Variants in MYO16 observed in about 807,000 individuals in gnomAD.
The protein encoded by MYO16 is unconventional myosin-XVI.
In MYO16, 94 loss-of-function variants were observed where a neutral mutation model predicts 205.3. The ratio of observed to expected loss-of-function variants is 0.46; its 90% CI spans 0.39 to 0.54. MYO16 has a LOEUF of 0.54. Ranked by LOEUF, MYO16 falls within the 20% of genes least tolerant of loss-of-function variation. MYO16 has a pLI of 0.00. For synonymous variants in MYO16, 988 were observed against 954.0 expected (o/e 1.04, Z -0.66); for missense variants, 2,315 against 2,387.5 (o/e 0.97, Z 0.63).
chr13:109,105,851 A>G (rs939485127), intron 28 of MYO16, among the ~76,000 whole-genome samples: 3 of 152,224 alleles, frequency 2.0e-5, no homozygotes, highest in Non-Finnish European at 4.4e-5. Context: ...GCAAAGTCAT[A>G]CATGTTGCTG....
rs530468240 is a variant in MYO16 at position 108,642,525 on chromosome 13, G to C, written c.28+12653G>C. 1.9e-4 allele frequency among the ~76,000 whole-genome samples: 29 copies of C among 152,178 alleles called. No homozygotes were observed. The South Asian group carries it at 6.0e-3, about 32-fold the overall frequency. On this transcript the variant is annotated intron_variant, in intron 1 of 34. Coordinates refer to ENST00000457511, the MANE Select transcript of MYO16 (RefSeq NM_001198950.3). The stretch of plus-strand genomic sequence containing the variant: ...TGGCGTGACCTTGGTTCAAGCGATT[G>C]TCATGCCTCAGCCTCCCGAGTAGCT...
chr13:108,999,239 A>G (rs1004499944), intron 21 of MYO16, among the ~76,000 whole-genome samples: 6 of 152,220 alleles, frequency 3.9e-5, no homozygotes, highest in Admixed American at 1.3e-4. Context: ...ATGATAAAAT[A>G]TTATTTTCAG....
the MYO16 span, among the ~76,000 whole-genome samples, chr13:108,510,413 G>A: frequency 4.9e-5 from 6 of 121,280 alleles, no homozygotes; most frequent in African/African-American, 1.7e-4. Flanking sequence ...CACCATGCCC[G>A]GTAGATAGTT....
At chr13:109,134,747 A>G (rs1297940400) in intron 31 of MYO16, among the ~76,000 whole-genome samples, 1 of 152,168 alleles carries the variant, frequency 6.6e-6, no homozygotes, top group African/African-American at 2.4e-5. Context: ...GGAGGTGAGC[A>G]AACTCCCTTC....
intron 28 of MYO16, among the ~76,000 whole-genome samples, chr13:109,107,729 A>T (rs1472677323): frequency 6.6e-6 from 1 of 151,268 alleles, no homozygotes; most frequent in African/African-American, 2.4e-5. Flanking sequence ...GGAATTATAA[A>T]TGTTGAAAAT....
intron 14 of MYO16, 80 bp from the exon 15 acceptor site, chr13:108,897,936 T>G: frequency 1.8e-6 from 2 of 1,095,038 alleles, no homozygotes; most frequent in East Asian, 4.7e-5. Context: ...GAAGTATTAT[T>G]CACTGCATCG....
At chr13:108,548,638 A>T in the MYO16 span, among the ~76,000 whole-genome samples, 1 of 151,746 alleles carries the variant, frequency 6.6e-6, no homozygotes. Context: ...TAGGGTGATT[A>T]TGTTAGTGTG....
At chr13:108,833,566 C>T (rs1333067026) in intron 9 of MYO16, among the ~76,000 whole-genome samples, 1 of 152,084 alleles carries the variant, frequency 6.6e-6, no homozygotes, top group East Asian at 1.9e-4. Flanking sequence ...TCATGTATCT[C>T]AATAGATTCC....
At chr13:108,736,850 C>A (rs1409344051) in intron 4 of MYO16, among the ~76,000 whole-genome samples, 1 of 152,182 alleles carries the variant, frequency 6.6e-6, no homozygotes, top group African/African-American at 2.4e-5. Context: ...TTGAAGAGAT[C>A]CTTCACATCC....
At chr13:108,570,551 A>G in the MYO16 span, among the ~76,000 whole-genome samples, 2 of 152,156 alleles carry the variant, frequency 1.3e-5, no homozygotes, top group Admixed American at 6.6e-5. Context: ...TGTCCAGTCT[A>G]TTTCTTAAAT....
At position 108,752,808 on chromosome 13, in the gene MYO16, A is replaced by ATCAT. The variant is rs751233713; in HGVS notation, c.507+25226_507+25227insCATT. 2.4e-4 allele frequency among the ~76,000 whole-genome samples: 22 copies of ATCAT among 90,586 alleles called. 1 individual carries two copies. The highest frequency in any genetic ancestry group is 4.4e-4 in the Non-Finnish European group (21 of 47,470). 59.4% of individuals were successfully genotyped at this position (90,586 alleles called of 152,430 possible). The stretch of plus-strand genomic sequence containing the variant: ...AGACACCTGCCACCGTGCCCAGCTA[A>ATCAT]TTTTTTTTTTTTTTTTTTTTTTTTT... On this transcript the variant is annotated intron_variant, in intron 4 of 34. Coordinates refer to ENST00000457511, the MANE Select transcript of MYO16 (RefSeq NM_001198950.3).
chr13:108,951,893 C>T (rs955882036), intron 16 of MYO16, among the ~76,000 whole-genome samples: 3 of 152,096 alleles, frequency 2.0e-5, no homozygotes, highest in Non-Finnish European at 4.4e-5. Flanking sequence ...CACCTGAGGT[C>T]AGGAGTTTGA....
In MYO16 at chr13:109,055,976, G is replaced by C; in HGVS notation, c.3335+381G>C. On this transcript the variant is annotated intron_variant, in intron 27 of 34. Coordinates refer to ENST00000457511, the MANE Select transcript of MYO16 (RefSeq NM_001198950.3). The surrounding 1 kb of genome is among the most constrained non-coding windows in gnomAD (Gnocchi z 5.0). The stretch of plus-strand genomic sequence containing the variant: ...GAACAAAATATTATTTAGATCAGTG[G>C]TTGGCAAACTACACTCATGGGCCAG... The C allele has an allele frequency of 6.1e-6, 1 of 164,848 alleles. No individual in the cohort carries two copies. Among genetic ancestry groups the C allele is most frequent in the Non-Finnish European group, 1.3e-5 (1 of 75,112 alleles). The allele number at this position is 164,848 out of a possible 1,614,324, so 10.2% of individuals were successfully genotyped here.
In MYO16 at chr13:109,065,172, T is replaced by A. The variant is rs548573372; in HGVS notation, c.3335+9577T>A. 3.3e-5 allele frequency among the ~76,000 whole-genome samples: 5 copies of A among 152,296 alleles called. No individual in the cohort carries two copies. The South Asian group carries it at 8.3e-4, about 25-fold the overall frequency. On this transcript the variant is annotated intron_variant, in intron 27 of 34. Transcript: ENST00000457511. ...GACTTTTTACCCACTGGGTCAAGTT[T>A]CCATGGACAAGGAAAGAAGCTTGCA...
chr13:109,150,161 C>A (rs1487360347), intron 32 of MYO16, among the ~76,000 whole-genome samples: 1 of 152,136 alleles, frequency 6.6e-6, no homozygotes, highest in Non-Finnish European at 1.5e-5. Context: ...ATGATTGGAA[C>A]AGGGGAAAGA....
chr13:108,640,349 G>A (rs566865303), intron 1 of MYO16, among the ~76,000 whole-genome samples: 3 of 152,256 alleles, frequency 2.0e-5, no homozygotes, highest in South Asian at 2.1e-4. Flanking sequence ...TGATGTAGAC[G>A]TAGAGCAGGG....
At chr13:109,206,575 CT>C in intron 34 of MYO16, 33 bp from the exon 35 acceptor site, 1 of 1,494,680 alleles carries the variant, frequency 6.7e-7, no homozygotes, top group Non-Finnish European at 9.3e-7. Context: ...ATATTTGGTG[CT>C]ACCTGTTTTT....
At chr13:108,726,326 C>T (rs1255662132) in intron 3 of MYO16, among the ~76,000 whole-genome samples, 3 of 151,862 alleles carry the variant, frequency 2.0e-5, no homozygotes, top group Admixed American at 6.6e-5. Flanking sequence ...TTTGGGAGGC[C>T]GAGGTGGGCG....
At chr13:109,134,167 C>T (rs1352288584) in intron 31 of MYO16, among the ~76,000 whole-genome samples, 1 of 152,154 alleles carries the variant, frequency 6.6e-6, no homozygotes, top group Non-Finnish European at 1.5e-5. Context: ...GTAGGACTGT[C>T]ATCATGACCC....
Sources: gnomAD v4.1 joint callset for allele counts (sites outside exome capture counted in the v4.1 genomes callset) on GRCh38, gnomAD v4.1.1 for gene constraint, Gnocchi (gnomAD v3.1) non-coding constraint, MANE v1.5 for transcripts, NCBI Gene and HGNC (gene_info 2026-07-23, HGNC 2026-07-21) for gene names.